The following SDK1 variants were observed in gnomAD, a reference collection of about 807,000 sequenced individuals.
SDK1 encodes sidekick cell adhesion molecule 1, also known as protein sidekick-1.
SDK1 carries 157 observed loss-of-function variants against 245.5 expected under a neutral mutation model. The ratio of observed to expected loss-of-function variants is 0.64; its 90% CI spans 0.56 to 0.73. The LOEUF (loss-of-function observed/expected upper bound fraction) is 0.73, where lower values mean the gene tolerates loss of function less well. Ranked by LOEUF, SDK1 falls within the 30% of genes least tolerant of loss-of-function variation. The pLI, the probability that SDK1 is intolerant of heterozygous loss-of-function variation, is 0.00. For synonymous variants in SDK1, 1,647 were observed against 1,278.5 expected (o/e 1.29, Z -6.15); for missense variants, 3,583 against 3,002.3 (o/e 1.19, Z -4.52).
chr7:3,509,746 C>T (rs1008341415), intron 1 of SDK1, among the ~76,000 whole-genome samples: 2 of 152,202 alleles, frequency 1.3e-5, no homozygotes, highest in African/African-American at 2.4e-5. Context: ...TGTTTTCTAC[C>T]TTCGGCCCTG....
At chr7:3,865,629 C>A (rs1246585741) in intron 5 of SDK1, among the ~76,000 whole-genome samples, 2 of 152,094 alleles carry the variant, frequency 1.3e-5, no homozygotes, top group Non-Finnish European at 2.9e-5. Context: ...CCACCTCAGC[C>A]CCTCAAGTAA....
chr7:3,316,691 C>G (rs1583672720), intron 1 of SDK1, among the ~76,000 whole-genome samples: 1 of 152,192 alleles, frequency 6.6e-6, no homozygotes, highest in East Asian at 1.9e-4. Context: ...CATTTTTCTG[C>G]CATGTCATCT....
chr7:3,336,307 C>T (rs1583700637), intron 1 of SDK1, among the ~76,000 whole-genome samples: 1 of 152,194 alleles, frequency 6.6e-6, no homozygotes, highest in African/African-American at 2.4e-5. Flanking sequence ...GCAGGTGGTA[C>T]TTCAATTCCC....
At chr7:3,435,259 A>G (rs1023869128) in intron 1 of SDK1, among the ~76,000 whole-genome samples, 1 of 148,972 alleles carries the variant, frequency 6.7e-6, no homozygotes, top group Admixed American at 6.7e-5. Flanking sequence ...TACTGGAGAG[A>G]TCTATTCCAG....
chr7:3,645,849 A>G (rs1415814925), intron 4 of SDK1, among the ~76,000 whole-genome samples: 1 of 151,390 alleles, frequency 6.6e-6, no homozygotes, highest in Admixed American at 6.6e-5. Flanking sequence ...AAGTTTCTGC[A>G]CCTATTTTTT....
intron 17 of SDK1, among the ~76,000 whole-genome samples, chr7:4,033,927 A>G (rs889136401): frequency 1.6e-4 from 25 of 152,306 alleles, no homozygotes; most frequent in African/African-American, 6.0e-4. Flanking sequence ...GGAACAGGAT[A>G]GACTCCTCAC....
chr7:4,248,869 A>G (rs1787100786), intron 44 of SDK1, among the ~76,000 whole-genome samples: 1 of 152,108 alleles, frequency 6.6e-6, no homozygotes, highest in African/African-American at 2.4e-5. Context: ...ATACACGTGC[A>G]TGCATACCTA....
At chr7:3,816,354 C>T (rs940508778) in intron 4 of SDK1, among the ~76,000 whole-genome samples, 14 of 147,934 alleles carry the variant, frequency 9.5e-5, no homozygotes, top group Admixed American at 2.7e-4. Flanking sequence ...GCTAGCAAGA[C>T]TAATAAAGAA....
At chr7:3,936,351 G>A (rs556607760) in intron 5 of SDK1, among the ~76,000 whole-genome samples, 2 of 152,234 alleles carry the variant, frequency 1.3e-5, no homozygotes, top group East Asian at 1.9e-4. Flanking sequence ...GGAGGCCGAG[G>A]CAGGCGGATC....
chr7:3,375,865 A>T (rs77270323), intron 1 of SDK1, among the ~76,000 whole-genome samples: 3,256 of 152,290 alleles, frequency 0.021, 110 homozygotes, highest in African/African-American at 0.067. Context: ...TTTCTGACTC[A>T]CAGAAATGGT....
At position 4,109,475 on chromosome 7, in the gene SDK1, T is replaced by G. The variant is rs114433221; in HGVS notation, c.3325-1188T>G. Among the ~76,000 whole-genome samples, 549 of 152,344 alleles carry G rather than the reference T, an allele frequency of 3.6e-3. 6 individuals are homozygous for G. Among genetic ancestry groups the G allele is most frequent in the African/African-American group, 0.012 (518 of 41,580 alleles). ...TTCCTATCCTGTCATTTAAGCCACT[T>G]ACGAAGTGTTAAATGCACCAGGCCC... On this transcript the variant is annotated intron_variant, in intron 22 of 44. Coordinates refer to ENST00000404826, the MANE Select transcript of SDK1 (RefSeq NM_152744.4).
intron 4 of SDK1, among the ~76,000 whole-genome samples, chr7:3,714,503 C>G (rs1785143928): frequency 6.6e-6 from 1 of 152,286 alleles, no homozygotes; most frequent in South Asian, 2.1e-4. Context: ...ATCCCATTTG[C>G]TCATTTCACA....
intron 4 of SDK1, among the ~76,000 whole-genome samples, chr7:3,765,855 T>C (rs1176439744): frequency 6.6e-6 from 1 of 152,214 alleles, no homozygotes; most frequent in Admixed American, 6.5e-5. Context: ...TTATTAAATA[T>C]TAGCTGTTAA....
intron 22 of SDK1, among the ~76,000 whole-genome samples, chr7:4,094,182 G>A (rs1050052387): frequency 2.0e-5 from 3 of 152,026 alleles, no homozygotes; most frequent in African/African-American, 4.8e-5. Flanking sequence ...TCAGCCTCCC[G>A]AGTAGAGTGG....
intron 1 of SDK1, among the ~76,000 whole-genome samples, chr7:3,336,410 T>G (rs920129986): frequency 6.6e-6 from 1 of 151,964 alleles, no homozygotes; most frequent in Non-Finnish European, 1.5e-5. Flanking sequence ...TCTGCCAGGG[T>G]AGTGTCAGCA....
At chr7:3,921,837 G>C (rs897216704) in intron 5 of SDK1, among the ~76,000 whole-genome samples, 3 of 152,014 alleles carry the variant, frequency 2.0e-5, no homozygotes, top group African/African-American at 7.3e-5. Context: ...ATGGTGGTGC[G>C]TGCCTGTGGT....
In SDK1 at chr7:3,914,005, G is replaced by C. The variant is rs549862735; in HGVS notation, c.848-36918G>C. 4.9e-4 allele frequency among the ~76,000 whole-genome samples: 74 copies of C among 152,276 alleles called. 1 individual carries two copies. Among genetic ancestry groups the C allele is most frequent in the South Asian group, 2.3e-3 (11 of 4,820 alleles). On this transcript the variant is annotated intron_variant, in intron 5 of 44. Transcript: ENST00000404826. ...CCTGATGGTGCCTGCTTTTCTGAAAGCTTCTTGCCCTATTATAAAGGAAGA... is the reference window on the plus strand; with the variant it reads ...CCTGATGGTGCCTGCTTTTCTGAAACCTTCTTGCCCTATTATAAAGGAAGA...
intron 1 of SDK1, among the ~76,000 whole-genome samples, chr7:3,609,441 C>G (rs181853180): frequency 1.3e-5 from 2 of 152,128 alleles, no homozygotes; most frequent in African/African-American, 4.8e-5. Context: ...CACTCTGTTG[C>G]CCAGGCTGGA....
chr7:3,723,861 CACGTGTATATACACGTACATATATAT>C, intron 4 of SDK1, among the ~76,000 whole-genome samples: 1 of 133,444 alleles, frequency 7.5e-6, no homozygotes, highest in South Asian at 2.3e-4. Flanking sequence ...TATACATATA[CACGTGTATATACACGTACATATATAT>C]ATACACGTGT....
Sources: allele counts gnomAD v4.1 joint callset (sites outside exome capture counted in the v4.1 genomes callset), GRCh38; gene constraint gnomAD v4.1.1; transcripts MANE v1.5; gene names NCBI Gene and HGNC (gene_info 2026-07-23, HGNC 2026-07-21).